Variants in MS4A6A observed in about 807,000 individuals in gnomAD.
MS4A6A encodes membrane spanning 4-domains A6A.
MS4A6A carries 19 observed loss-of-function variants against 20.6 expected under a neutral mutation model. The observed-to-expected ratio is 0.92, with a 90% confidence interval of 0.64 to 1.36. The LOEUF (loss-of-function observed/expected upper bound fraction) is 1.36, where lower values mean the gene tolerates loss of function less well. Among genes scored for constraint, MS4A6A ranks in the 40% most tolerant of loss-of-function variants. The pLI, the probability that MS4A6A is intolerant of heterozygous loss-of-function variation, is 0.00. For missense variants in MS4A6A, 272 were observed against 261.1 expected (o/e 1.04, Z -0.29); for synonymous variants, 108 against 105.0 (o/e 1.03, Z -0.17).
intron 5 of MS4A6A, among the ~76,000 whole-genome samples, chr11:60,174,184 G>C (rs1856720842): frequency 6.6e-6 from 1 of 152,048 alleles, no homozygotes; most frequent in Non-Finnish European, 1.5e-5. Context: ...CATTACCTTG[G>C]GAGCAAGGCC....
downstream of MS4A6A, chr11:60,172,072 A>C: frequency 7.5e-7 from 1 of 1,324,720 alleles, no homozygotes; most frequent in Non-Finnish European, 1.0e-6. Context: ...ACATTTAGGA[A>C]ACTCAAGCTT....
At position 60,181,633 on chromosome 11, in the gene MS4A6A, TG is replaced by T. The variant is rs1857140074; in HGVS notation, c.94del (p.Gln32ArgfsTer6). On this transcript the variant is annotated frameshift_variant, in exon 2 of 6. Coordinates refer to ENST00000528851, the MANE Select transcript of MS4A6A (RefSeq NM_022349.4). LOFTEE classifies it high-confidence loss of function. ...SQAEKPEPTN[Q>X]GQDSLKKHLH... is the part of the protein sequence containing the mutation. ...ATGTTTCTTCAGGCTATCCTGCCCC[TG>T]GTTGGTGGGTTCGGGTTTCTCTGCT... 6.2e-7 allele frequency: 1 copy of T among 1,613,724 alleles called. No homozygotes were observed. The highest frequency in any genetic ancestry group is 1.3e-5 in the African/African-American group (1 of 74,818).
upstream of MS4A6A, chr11:60,183,744 G>T (rs2083848440): frequency 6.6e-6 from 1 of 152,328 alleles, no homozygotes; most frequent in South Asian, 2.1e-4. Context: ...TTCCTCCTCT[G>T]GCTGCTCTTT....
rs1304345958 is a variant in MS4A6A, at chr11:60,173,047, G to T, written c.632C>A (p.Ala211Asp). The change falls in exon 6 of 6, where the codon GCT becomes GAT. Residue 211 changes from alanine to aspartate, a missense_variant. By Grantham distance (126) the Ala-to-Asp change is moderately radical. Transcript: ENST00000528851. The stretch of plus-strand genomic sequence containing the variant: ...ACTCACCCCAGGGAAGTCAGAGTAA[G>T]CCTGTTTCCACCGCAGCACAGCAGT... ...VLTAVLRWKQ[A>D]YSDFPGVSVL... 1.2e-6 allele frequency: 2 copies of T among 1,613,998 alleles called. No homozygotes were observed. Among genetic ancestry groups the T allele is most frequent in the African/African-American group, 2.7e-5 (2 of 74,916 alleles).
intron 4 of MS4A6A, among the ~76,000 whole-genome samples, chr11:60,177,741 T>C (rs1395007944): frequency 1.3e-5 from 2 of 152,206 alleles, no homozygotes; most frequent in African/African-American, 4.8e-5. Flanking sequence ...AAGGAAAATC[T>C]GAGAAAGTCT....
chr11:60,180,191 G>C (rs1857060031), intron 2 of MS4A6A: 2 of 567,306 alleles, frequency 3.5e-6, no homozygotes, highest in African/African-American at 1.9e-5. Flanking sequence ...GCTCAGGAAG[G>C]CTTCTGCATT....
chr11:60,171,974 C>T (rs1012892578), downstream of MS4A6A: 46 of 508,538 alleles, frequency 9.0e-5, no homozygotes, highest in Middle Eastern at 5.5e-4. Flanking sequence ...AAGTCAATGT[C>T]AGGCAAATCA....
downstream of MS4A6A, chr11:60,171,954 G>T: frequency 2.2e-6 from 1 of 447,462 alleles, no homozygotes; most frequent in Non-Finnish European, 3.9e-6. Flanking sequence ...ACAGCCCCGT[G>T]CTTTTGCTGA....
intron 2 of MS4A6A, 143 bp from the exon 3 acceptor site, chr11:60,180,108 A>G (rs1465193013): frequency 1.2e-5 from 10 of 810,032 alleles, no homozygotes; most frequent in Non-Finnish European, 1.9e-5. Context: ...CTCTGGAGTG[A>G]GAAATATGAA....
upstream of MS4A6A, chr11:60,183,845 A>C (rs1452603027): frequency 6.6e-6 from 1 of 152,382 alleles, no homozygotes; most frequent in African/African-American, 2.4e-5. Flanking sequence ...CAAATGGGAA[A>C]GATTCAGCAG....
At chr11:60,174,196 T>A (rs1856721747) in intron 5 of MS4A6A, among the ~76,000 whole-genome samples, 2 of 152,242 alleles carry the variant, frequency 1.3e-5, no homozygotes. Context: ...AGCAAGGCCC[T>A]CTTTATAATG....
intron 3 of MS4A6A, 42 bp from the exon 4 acceptor site, chr11:60,178,358 A>C: frequency 6.5e-7 from 1 of 1,535,764 alleles, no homozygotes; most frequent in South Asian, 1.1e-5. Flanking sequence ...TTCCATGTAC[A>C]GAGTACCTTC....
intron 4 of MS4A6A, 53 bp downstream of exon 4, chr11:60,178,203 TTCTG>T (rs1190881088): frequency 2.0e-6 from 3 of 1,465,170 alleles, no homozygotes; most frequent in African/African-American, 1.4e-5. Flanking sequence ...CCTTAAAGAG[TTCTG>T]TCTAAGTTTT....
chr11:60,178,758 G>A, intron 3 of MS4A6A: 1 of 428,076 alleles, frequency 2.3e-6, no homozygotes, highest in Non-Finnish European at 4.6e-6. Flanking sequence ...TTGGTAGCAT[G>A]ACCCTTGATA....
intron 3 of MS4A6A, 35 bp downstream of exon 3, chr11:60,179,796 T>C: frequency 6.2e-7 from 1 of 1,613,598 alleles, no homozygotes; most frequent in Non-Finnish European, 8.5e-7. Context: ...CTCCCCTCTT[T>C]GCCCCATCCT....
At position 60,181,798 on chromosome 11, in the gene MS4A6A, C is replaced by A; in HGVS notation, c.-14-57G>T. On this transcript the variant is annotated intron_variant, in intron 1 of 5. Coordinates refer to ENST00000528851, the MANE Select transcript of MS4A6A (RefSeq NM_022349.4). The stretch of plus-strand genomic sequence containing the variant: ...AAAGTACAGAGCTCCCAGGTTCTGA[C>A]TCCAAAAACAGTAACTCAGTCTTTG... 4 of 1,554,440 alleles carry A rather than the reference C, an allele frequency of 2.6e-6. No homozygotes were observed. In the South Asian group the frequency reaches 4.6e-5, roughly 18 times the overall value.
intron 5 of MS4A6A, 96 bp downstream of exon 5, chr11:60,175,306 A>G: frequency 9.3e-7 from 1 of 1,076,624 alleles, no homozygotes; most frequent in Non-Finnish European, 1.3e-6. Context: ...TGCCCAAACC[A>G]GAACCAATAG....
intron 4 of MS4A6A, among the ~76,000 whole-genome samples, chr11:60,176,473 A>G (rs1402671833): frequency 2.0e-5 from 3 of 152,142 alleles, no homozygotes; most frequent in Non-Finnish European, 2.9e-5. Flanking sequence ...CTCAGAAGTG[A>G]CTTCTTTTGT....
chr11:60,174,187 G>C (rs1856720984), intron 5 of MS4A6A, among the ~76,000 whole-genome samples: 1 of 152,154 alleles, frequency 6.6e-6, no homozygotes, highest in South Asian at 2.1e-4. Flanking sequence ...TACCTTGGGA[G>C]CAAGGCCCTC....
Sources: allele counts gnomAD v4.1 joint callset (sites outside exome capture counted in the v4.1 genomes callset), GRCh38; gene constraint gnomAD v4.1.1; transcripts MANE v1.5; gene names NCBI Gene and HGNC (gene_info 2026-07-23, HGNC 2026-07-21).